Variants in MARCHF1 observed in about 807,000 individuals in gnomAD.
MARCHF1 encodes membrane associated ring-CH-type finger 1.
Under a neutral mutation model 54.2 loss-of-function variants are expected in MARCHF1, and 40 were observed. That is an observed-to-expected ratio of 0.74 (90% CI 0.57 to 0.96). The LOEUF (loss-of-function observed/expected upper bound fraction) is 0.96. Ranked by LOEUF, MARCHF1 falls within the 40% of genes least tolerant of loss-of-function variation. The pLI is 0.00. For synonymous variants in MARCHF1, 236 were observed against 236.3 expected, an observed-to-expected ratio of 1.00 and a Z score of 0.01; for missense variants, 586 against 656.5, an observed-to-expected ratio of 0.89 and a Z score of 1.17.
intron 2 of MARCHF1, among the ~76,000 whole-genome samples, chr4:164,027,848 AG>A: frequency 6.6e-6 from 1 of 152,304 alleles, no homozygotes; most frequent in African/African-American, 2.4e-5. Context: ...CATCTGACAA[AG>A]GTGAAATATC....
At chr4:163,630,063 A>G (rs1742018260) in intron 5 of MARCHF1, among the ~76,000 whole-genome samples, 1 of 152,134 alleles carries the variant, frequency 6.6e-6, no homozygotes, top group Admixed American at 6.5e-5. Context: ...CTACCATATA[A>G]CCTAATCATT....
At chr4:164,318,361 T>A (rs1379079524) in intron 1 of MARCHF1, among the ~76,000 whole-genome samples, 1 of 152,184 alleles carries the variant, frequency 6.6e-6, no homozygotes, top group Non-Finnish European at 1.5e-5. Flanking sequence ...GGTTTTGTTA[T>A]ACTAGATTTG....
intron 4 of MARCHF1, among the ~76,000 whole-genome samples, chr4:163,835,357 C>A (rs927542378): frequency 1.6e-4 from 24 of 152,164 alleles, no homozygotes; most frequent in African/African-American, 5.8e-4. Context: ...AGTTTCAAAT[C>A]AAGTTTAGCC....
intron 3 of MARCHF1, among the ~76,000 whole-genome samples, chr4:163,961,360 T>C (rs1223293846): frequency 6.6e-6 from 1 of 152,016 alleles, no homozygotes; most frequent in Non-Finnish European, 1.5e-5. Flanking sequence ...TTGCTCTTTC[T>C]TATATTTAAA....
intron 1 of MARCHF1, among the ~76,000 whole-genome samples, chr4:164,286,273 T>C (rs1734145405): frequency 6.6e-6 from 1 of 152,196 alleles, no homozygotes; most frequent in East Asian, 1.9e-4. Context: ...TACCTGTTTT[T>C]AAAGTCAAAT....
chr4:164,018,466 A>G (rs913564955), intron 2 of MARCHF1, among the ~76,000 whole-genome samples: 3 of 151,984 alleles, frequency 2.0e-5, no homozygotes, highest in African/African-American at 7.2e-5. Flanking sequence ...AAATATGGAA[A>G]AGAGCTGTTA....
chr4:163,642,112 G>T (rs1004234339), intron 5 of MARCHF1, among the ~76,000 whole-genome samples: 2 of 152,136 alleles, frequency 1.3e-5, no homozygotes, highest in Non-Finnish European at 2.9e-5. Context: ...ATGTGACTTT[G>T]TATTTGGATA....
chr4:163,784,463 T>G (rs1051398801), intron 4 of MARCHF1, among the ~76,000 whole-genome samples: 2 of 152,104 alleles, frequency 1.3e-5, no homozygotes, highest in Admixed American at 1.3e-4. Flanking sequence ...GACTGGTAAG[T>G]AGATGAATAT....
At chr4:164,291,338 C>T (rs1387686949) in intron 1 of MARCHF1, among the ~76,000 whole-genome samples, 1 of 151,908 alleles carries the variant, frequency 6.6e-6, no homozygotes, top group Non-Finnish European at 1.5e-5. Flanking sequence ...ATTTCTAGTG[C>T]TATGAATTTA....
intron 8 of MARCHF1, among the ~76,000 whole-genome samples, chr4:163,571,775 T>C (rs1036789929): frequency 6.6e-6 from 1 of 152,154 alleles, no homozygotes; most frequent in Non-Finnish European, 1.5e-5. Context: ...GTTTGTTTTT[T>C]CACTGTGCCA....
intron 1 of MARCHF1, among the ~76,000 whole-genome samples, chr4:164,178,516 C>A (rs1177687150): frequency 6.6e-6 from 1 of 151,940 alleles, no homozygotes; most frequent in Non-Finnish European, 1.5e-5. Flanking sequence ...TCCTTACCTC[C>A]CTTAACAATT....
chr4:164,034,278 T>C (rs938050294), intron 2 of MARCHF1, among the ~76,000 whole-genome samples: 3 of 152,018 alleles, frequency 2.0e-5, no homozygotes, highest in African/African-American at 7.2e-5. Flanking sequence ...GGAAGTTGAA[T>C]GATGAAAACA....
At chr4:163,711,179 G>C (rs1745095342) in intron 4 of MARCHF1, among the ~76,000 whole-genome samples, 1 of 151,948 alleles carries the variant, frequency 6.6e-6, no homozygotes, top group Non-Finnish European at 1.5e-5. Context: ...TCACCCAAAG[G>C]AAAATCTGCC....
intron 1 of MARCHF1, among the ~76,000 whole-genome samples, chr4:164,336,694 G>T (rs1371404886): frequency 6.6e-6 from 1 of 152,086 alleles, no homozygotes; most frequent in Non-Finnish European, 1.5e-5. Context: ...TGTAGGTGTG[G>T]CAGGCAACAA....
At chr4:163,700,752 C>T (rs534316591) in intron 5 of MARCHF1, 61 bp downstream of exon 5, 10 of 1,216,136 alleles carry the variant, frequency 8.2e-6, no homozygotes, top group Non-Finnish European at 9.4e-6. Context: ...ACATTATAAA[C>T]ATTTATGTGA....
chr4:163,876,914 G>A (rs947440227), intron 3 of MARCHF1, among the ~76,000 whole-genome samples: 3 of 152,060 alleles, frequency 2.0e-5, no homozygotes, highest in Non-Finnish European at 4.4e-5. Flanking sequence ...TAGAGAAAAT[G>A]TTAAGCTAAT....
intron 1 of MARCHF1, among the ~76,000 whole-genome samples, chr4:164,327,055 T>C (rs1735302811): frequency 6.6e-6 from 1 of 151,548 alleles, no homozygotes; most frequent in South Asian, 2.1e-4. Flanking sequence ...TTAGCTATTA[T>C]GATTATCTTC....
At chr4:163,833,261 T>G in intron 4 of MARCHF1, among the ~76,000 whole-genome samples, 1 of 152,198 alleles carries the variant, frequency 6.6e-6, no homozygotes. Context: ...TGTTGTTTCC[T>G]GACTTTTTAA....
chr4:164,257,214 A>G (rs1397325071), intron 1 of MARCHF1, among the ~76,000 whole-genome samples: 3 of 152,144 alleles, frequency 2.0e-5, no homozygotes, highest in Non-Finnish European at 4.4e-5. Flanking sequence ...CAGAAGCTAA[A>G]GGTGCCTATT....
Sources: gnomAD v4.1 joint callset for allele counts (sites outside exome capture counted in the v4.1 genomes callset) on GRCh38, gnomAD v4.1.1 for gene constraint, MANE v1.5 for transcripts, NCBI Gene and HGNC (gene_info 2026-07-23, HGNC 2026-07-21) for gene names.